THSD4: variants seen among roughly 807,000 people sequenced by gnomAD.
THSD4 encodes thrombospondin type-1 domain-containing protein 4.
In THSD4, 69 loss-of-function variants were observed where a neutral mutation model predicts 119.0. That is an observed-to-expected ratio of 0.58 (90% CI 0.48 to 0.71). THSD4 has a LOEUF of 0.71. Among genes scored for constraint, THSD4 ranks in the 30% least tolerant of loss-of-function variants. THSD4 has a pLI of 0.00. For synonymous variants in THSD4, 524 were observed against 540.4 expected, an observed-to-expected ratio of 0.97 and a Z score of 0.42; for missense variants, 1,393 against 1,391.1, an observed-to-expected ratio of 1.00 and a Z score of -0.02.
chr15:71,594,135 T>G (rs548730953), intron 7 of THSD4, among the ~76,000 whole-genome samples: 2 of 152,138 alleles, frequency 1.3e-5, no homozygotes, highest in African/African-American at 4.8e-5. Flanking sequence ...TCTCTGCCCC[T>G]TCTGCCTCAC....
chr15:71,160,112 G>A (rs907226066), intron 3 of THSD4, among the ~76,000 whole-genome samples: 1 of 152,046 alleles, frequency 6.6e-6, no homozygotes. Context: ...TTCATGTGGT[G>A]TGTCACATGT....
chr15:71,156,260 CTTT>C (rs1194104436), intron 3 of THSD4, among the ~76,000 whole-genome samples: 4 of 141,730 alleles, frequency 2.8e-5, no homozygotes, highest in Admixed American at 1.4e-4. Context: ...AGGGGGTTTT[CTTT>C]TTTTTTTTTT....
intron 6 of THSD4, among the ~76,000 whole-genome samples, chr15:71,394,760 T>C (rs1002907337): frequency 5.3e-5 from 8 of 152,238 alleles, no homozygotes; most frequent in African/African-American, 1.7e-4. Context: ...GTTTCTCTAT[T>C]GTATATGCCC....
intron 7 of THSD4, among the ~76,000 whole-genome samples, chr15:71,591,235 A>T (rs1340919505): frequency 6.6e-6 from 1 of 152,146 alleles, no homozygotes; most frequent in Non-Finnish European, 1.5e-5. Context: ...AAAGTCAGTG[A>T]CTGAAGGTAA....
chr15:71,248,757 G>A (rs1272115475), intron 5 of THSD4, among the ~76,000 whole-genome samples: 2 of 152,118 alleles, frequency 1.3e-5, no homozygotes, highest in Admixed American at 6.5e-5. Context: ...CTAGATTGGC[G>A]TGCTCTCTGC....
chr15:71,574,662 C>T (rs187086161), intron 7 of THSD4, among the ~76,000 whole-genome samples: 87 of 152,054 alleles, frequency 5.7e-4, no homozygotes, highest in Non-Finnish European at 8.1e-4. Flanking sequence ...CTGAGCAGTC[C>T]GTTTGTCTGT....
chr15:71,458,196 A>G (rs2047366902), intron 7 of THSD4, among the ~76,000 whole-genome samples: 1 of 152,238 alleles, frequency 6.6e-6, no homozygotes, highest in Non-Finnish European at 1.5e-5. Flanking sequence ...CACAGATAAT[A>G]AAACTGAAGT....
chr15:71,561,269 C>T (rs556621869), intron 7 of THSD4, among the ~76,000 whole-genome samples: 50 of 152,226 alleles, frequency 3.3e-4, no homozygotes, highest in Non-Finnish European at 6.3e-4. Context: ...CCACCGCACT[C>T]GGCTCTCTTT....
intron 8 of THSD4, among the ~76,000 whole-genome samples, chr15:71,672,074 G>T (rs1013430968): frequency 6.6e-6 from 1 of 152,146 alleles, no homozygotes; most frequent in Non-Finnish European, 1.5e-5. Flanking sequence ...ATTACCTTGG[G>T]CAGTATGGCC....
chr15:71,438,598 C>T (rs2047047424), intron 7 of THSD4, among the ~76,000 whole-genome samples: 1 of 152,130 alleles, frequency 6.6e-6, no homozygotes, highest in Non-Finnish European at 1.5e-5. Context: ...TGGATAATTA[C>T]CCAATTACCT....
chr15:71,388,688 G>GTT (rs1555408864), intron 6 of THSD4, among the ~76,000 whole-genome samples: 31 of 151,704 alleles, frequency 2.0e-4, no homozygotes, highest in Non-Finnish European at 3.7e-4. Flanking sequence ...GTGTGTGTGT[G>GTT]TGTGTAGGGA....
At chr15:71,725,540 G>T (rs1470696114) in intron 8 of THSD4, among the ~76,000 whole-genome samples, 1 of 152,160 alleles carries the variant, frequency 6.6e-6, no homozygotes, top group Non-Finnish European at 1.5e-5. Flanking sequence ...GAAATGAGCA[G>T]CCTGAGAGCA....
At chr15:71,151,455 A>G (rs1304702985) in intron 2 of THSD4, among the ~76,000 whole-genome samples, 1 of 152,090 alleles carries the variant, frequency 6.6e-6, no homozygotes, top group Non-Finnish European at 1.5e-5. Context: ...ATGTGTTACA[A>G]ATGATTCACA....
intron 7 of THSD4, among the ~76,000 whole-genome samples, chr15:71,473,026 A>G (rs2047603977): frequency 6.6e-6 from 1 of 150,974 alleles, no homozygotes; most frequent in Non-Finnish European, 1.5e-5. Flanking sequence ...TAATGTTACC[A>G]AGTCTTTTTG....
chr15:71,189,906 A>G (rs940490617), intron 3 of THSD4, among the ~76,000 whole-genome samples: 1 of 152,114 alleles, frequency 6.6e-6, no homozygotes, highest in African/African-American at 2.4e-5. Flanking sequence ...TACTCTGAGG[A>G]GGATACTCAG....
intron 7 of THSD4, among the ~76,000 whole-genome samples, chr15:71,516,985 G>C (rs1290117893): frequency 6.6e-6 from 1 of 152,178 alleles, no homozygotes; most frequent in East Asian, 1.9e-4. Context: ...GGGCAGGGCA[G>C]ACTAGAACAT....
At chr15:71,360,640 G>A (rs936310403) in intron 6 of THSD4, among the ~76,000 whole-genome samples, 6 of 152,122 alleles carry the variant, frequency 3.9e-5, no homozygotes, top group Non-Finnish European at 7.4e-5. Context: ...TGTGTATTTT[G>A]CTAGCATATG....
At chr15:71,270,708 G>A (rs910770555) in intron 6 of THSD4, among the ~76,000 whole-genome samples, 2 of 152,136 alleles carry the variant, frequency 1.3e-5, no homozygotes, top group African/African-American at 4.8e-5. Context: ...TTTCCAGAAG[G>A]AGAGGTGGTC....
intron 7 of THSD4, among the ~76,000 whole-genome samples, chr15:71,599,720 G>A (rs904702585): frequency 1.1e-4 from 16 of 152,174 alleles, no homozygotes; most frequent in African/African-American, 3.1e-4. Flanking sequence ...CCCTTCTGCC[G>A]CTCAGCCGCT....
Sources: allele counts gnomAD v4.1 joint callset (sites outside exome capture counted in the v4.1 genomes callset), GRCh38; gene constraint gnomAD v4.1.1; transcripts MANE v1.5; gene names NCBI Gene and HGNC (gene_info 2026-07-23, HGNC 2026-07-21).